OXSR1: variants seen among roughly 807,000 people sequenced by gnomAD.
OXSR1 encodes the protein oxidative stress responsive kinase 1, also known as serine/threonine-protein kinase OSR1.
In OXSR1, 24 loss-of-function variants were observed where a neutral mutation model predicts 79.8. That is an observed-to-expected ratio of 0.30 (90% confidence interval 0.22 to 0.42). OXSR1 has a LOEUF of 0.42. Among genes scored for constraint, OXSR1 ranks in the 10% least tolerant of loss-of-function variants. The pLI is 1.00. For synonymous variants in OXSR1, 226 were observed against 209.2 expected, an observed-to-expected ratio of 1.08 and a Z score of -0.69; for missense variants, 430 against 618.4, an observed-to-expected ratio of 0.70 and a Z score of 3.23.
intron 4 of OXSR1, among the ~76,000 whole-genome samples, chr3:38,211,800 A>G (rs1332434397): frequency 6.6e-6 from 1 of 152,030 alleles, no homozygotes; most frequent in Non-Finnish European, 1.5e-5. Flanking sequence ...TCATTTCTGA[A>G]CCTTGAGAAT....
At chr3:38,214,948 A>G (rs142705375) in intron 4 of OXSR1, among the ~76,000 whole-genome samples, 2 of 152,332 alleles carry the variant, frequency 1.3e-5, no homozygotes, top group Non-Finnish European at 2.9e-5. Flanking sequence ...ACGTTCTTCC[A>G]TGAGCAGGCC....
chr3:38,203,259 T>G (rs1702201043), intron 4 of OXSR1, among the ~76,000 whole-genome samples: 2 of 152,190 alleles, frequency 1.3e-5, no homozygotes. Context: ...TCACGGGACT[T>G]GCTTCACCTT....
At chr3:38,243,454 G>A (rs1703076250) in intron 12 of OXSR1, among the ~76,000 whole-genome samples, 1 of 152,176 alleles carries the variant, frequency 6.6e-6, no homozygotes, top group South Asian at 2.1e-4. Context: ...CGTGGTTACT[G>A]TGTCAGTATG....
In OXSR1 at chr3:38,230,085, T is replaced by G. The variant is rs34770839; in HGVS notation, c.886-280T>G. On this transcript the variant is annotated intron_variant, in intron 9 of 17. Coordinates refer to ENST00000311806, the MANE Select transcript of OXSR1 (RefSeq NM_005109.3). ...ATCAGATAGTAGGATGTTACTGTAGTTGGAAATGTAGGACCATGATCTCAA... is the reference window on the plus strand; with the variant it reads ...ATCAGATAGTAGGATGTTACTGTAGGTGGAAATGTAGGACCATGATCTCAA... Among the ~76,000 whole-genome samples, 658 of 152,250 alleles carry G rather than the reference T, an allele frequency of 4.3e-3. 2 individuals are homozygous for G. Among genetic ancestry groups the G allele is most frequent in the Middle Eastern group, 0.031 (9 of 294 alleles).
At chr3:38,251,295 G>A (rs1170210918) in intron 15 of OXSR1, 108 bp from the exon 16 acceptor site, 1 of 828,590 alleles carries the variant, frequency 1.2e-6, no homozygotes, top group Non-Finnish European at 2.1e-6. Flanking sequence ...TGTGGATTTA[G>A]CATCCAGCTT....
chr3:38,244,013 C>T (rs1415041732), intron 12 of OXSR1, among the ~76,000 whole-genome samples: 1 of 152,136 alleles, frequency 6.6e-6, no homozygotes, highest in East Asian at 1.9e-4. Flanking sequence ...CTTGTTAGCC[C>T]CCGCTGGCGA....
intron 4 of OXSR1, among the ~76,000 whole-genome samples, chr3:38,211,150 CCTAGCA>C (rs1559513879): frequency 6.6e-6 from 1 of 152,170 alleles, no homozygotes; most frequent in East Asian, 1.9e-4. Flanking sequence ...AAAAAGGAGG[CCTAGCA>C]CTATTTGGGC....
intron 11 of OXSR1, among the ~76,000 whole-genome samples, chr3:38,238,605 T>C (rs1702965358): frequency 6.6e-6 from 1 of 152,140 alleles, no homozygotes; most frequent in African/African-American, 2.4e-5. Context: ...ACAGGCTTTT[T>C]TCTTTCAGCA....
chr3:38,227,052 T>C (rs1427698582), intron 8 of OXSR1, among the ~76,000 whole-genome samples: 4 of 152,328 alleles, frequency 2.6e-5, no homozygotes, highest in African/African-American at 7.2e-5. Flanking sequence ...AAAATTATTA[T>C]AAAACTTTAA....
At chr3:38,179,948 A>G (rs953666842) in intron 1 of OXSR1, among the ~76,000 whole-genome samples, 6 of 152,090 alleles carry the variant, frequency 3.9e-5, no homozygotes, top group African/African-American at 1.2e-4. Context: ...AGCAGGGACT[A>G]CAGGCGTGTG....
chr3:38,208,638 C>T (rs759493714), intron 4 of OXSR1, among the ~76,000 whole-genome samples: 1 of 152,178 alleles, frequency 6.6e-6, no homozygotes, highest in Non-Finnish European at 1.5e-5. Flanking sequence ...CGCAGTGGCT[C>T]ACGCCTGTAA....
intron 1 of OXSR1, among the ~76,000 whole-genome samples, chr3:38,177,721 A>C (rs1004601258): frequency 6.6e-6 from 1 of 151,722 alleles, no homozygotes; most frequent in African/African-American, 2.4e-5. Context: ...AGTAGCTGGG[A>C]CTACAGGTGT....
At chr3:38,202,686 A>G (rs1462038075) in intron 4 of OXSR1, among the ~76,000 whole-genome samples, 1 of 152,272 alleles carries the variant, frequency 6.6e-6, no homozygotes, top group Admixed American at 6.5e-5. Flanking sequence ...TCATTATTAT[A>G]AACATTATTA....
intron 7 of OXSR1, 84 bp from the exon 8 acceptor site, chr3:38,224,487 G>A: frequency 1.0e-6 from 1 of 989,038 alleles, no homozygotes; most frequent in Non-Finnish European, 1.5e-6. Context: ...TGGTCGGGGG[G>A]TGCCTGTATT....
rs551636501 is a variant in OXSR1, at chr3:38,201,788, C to T, written c.434+2925C>T. Among the ~76,000 whole-genome samples the T allele has an allele frequency of 3.9e-4, 60 of 152,212 alleles. No homozygotes were observed. In the Middle Eastern group the frequency reaches 0.024, roughly 60 times the overall value. ...CTGAGGCAGGAGGATCAGTTGAGCC[C>T]CAGAGGTTGAGGCTGCAGTGAGCTG... On this transcript the variant is annotated intron_variant, in intron 4 of 17. Coordinates refer to ENST00000311806, the MANE Select transcript of OXSR1 (RefSeq NM_005109.3).
chr3:38,169,505 C>T (rs929373041), intron 1 of OXSR1, among the ~76,000 whole-genome samples: 1 of 151,964 alleles, frequency 6.6e-6, no homozygotes, highest in Non-Finnish European at 1.5e-5. Context: ...GGGGTTTCAC[C>T]ATATTGGGCA....
chr3:38,178,618 A>ATTT (rs1309546030), intron 1 of OXSR1, among the ~76,000 whole-genome samples: 1 of 86,744 alleles, frequency 1.2e-5, no homozygotes, highest in Non-Finnish European at 2.2e-5. Context: ...ATATATATAT[A>ATTT]TATTTTTTTT....
At chr3:38,228,499 T>C (rs1211369940) in intron 8 of OXSR1, among the ~76,000 whole-genome samples, 2 of 152,210 alleles carry the variant, frequency 1.3e-5, no homozygotes, top group African/African-American at 4.8e-5. Context: ...CTGGGGAGTT[T>C]TAAACATTAC....
chr3:38,238,354 G>C (rs1048308145), intron 11 of OXSR1, among the ~76,000 whole-genome samples: 2 of 152,030 alleles, frequency 1.3e-5, no homozygotes, highest in Non-Finnish European at 2.9e-5. Flanking sequence ...AATATTGATA[G>C]ATCTAAGGAG....
Sources: allele counts gnomAD v4.1 joint callset (sites outside exome capture counted in the v4.1 genomes callset), GRCh38; gene constraint gnomAD v4.1.1; transcripts MANE v1.5; gene names NCBI Gene and HGNC (gene_info 2026-07-23, HGNC 2026-07-21).